STK31: variants seen among roughly 807,000 people sequenced by gnomAD.
The protein encoded by STK31 is serine/threonine-protein kinase 31.
In STK31, 89 loss-of-function variants were observed where a neutral mutation model predicts 129.7. The ratio of observed to expected loss-of-function variants is 0.69; its 90% CI spans 0.58 to 0.82. STK31 has a LOEUF of 0.82. STK31 is among the 40% of genes least tolerant of loss of function. The pLI is 0.00. For missense variants in STK31, 1,187 were observed against 1,176.4 expected (o/e 1.01, Z -0.13); for synonymous variants, 448 against 395.3 (o/e 1.13, Z -1.58).
At chr7:23,788,437 A>G (rs957071399) in intron 21 of STK31, among the ~76,000 whole-genome samples, 19 of 152,180 alleles carry the variant, frequency 1.2e-4, no homozygotes, top group African/African-American at 4.3e-4. Context: ...CTAGGTGGCC[A>G]TCTCCTAAAC....
intron 22 of STK31, among the ~76,000 whole-genome samples, chr7:23,808,779 C>T (rs1327918608): frequency 2.0e-5 from 3 of 152,044 alleles, no homozygotes; most frequent in Non-Finnish European, 4.4e-5. Flanking sequence ...GCTGAAAGTC[C>T]AGCTCCTCAC....
chr7:23,710,564 G>A, intron 1 of STK31: 1 of 1,395,838 alleles, frequency 7.2e-7, no homozygotes, highest in Non-Finnish European at 9.3e-7. Flanking sequence ...TCTCCATGAA[G>A]ACGCGGTCAC....
chr7:23,730,878 A>ATATATATATATATATTTTTTTTTTTTTTT, intron 6 of STK31, among the ~76,000 whole-genome samples: 1 of 59,554 alleles, frequency 1.7e-5, no homozygotes, highest in African/African-American at 5.8e-5. Flanking sequence ...ATATATATAT[A>ATATATATATATATATTTTTTTTTTTTTTT]TTTTTTTTTT....
At chr7:23,821,110 A>C (rs746913321) in intron 23 of STK31, among the ~76,000 whole-genome samples, 27 of 152,188 alleles carry the variant, frequency 1.8e-4, no homozygotes, top group Non-Finnish European at 3.4e-4. Context: ...TGCAATAAAC[A>C]TGGGGATGCA....
chr7:23,831,529 C>G (rs941247609), intron 23 of STK31, among the ~76,000 whole-genome samples: 7 of 152,128 alleles, frequency 4.6e-5, no homozygotes, highest in Non-Finnish European at 2.9e-5. Context: ...TTCAACCAGT[C>G]TATATCTTTT....
At chr7:23,714,709 C>A (rs905663084) in intron 3 of STK31, among the ~76,000 whole-genome samples, 6 of 152,068 alleles carry the variant, frequency 3.9e-5, no homozygotes, top group African/African-American at 1.4e-4. Context: ...ACTAGTGCAG[C>A]TCTAGACTTT....
intron 7 of STK31, 112 bp from the exon 8 acceptor site, chr7:23,736,792 A>T (rs965809375): frequency 9.4e-6 from 8 of 851,554 alleles, no homozygotes; most frequent in Non-Finnish European, 1.3e-5. Flanking sequence ...TTAGTTTTCA[A>T]AATTAACTTT....
At chr7:23,831,337 G>C (rs1794533572) in intron 23 of STK31, among the ~76,000 whole-genome samples, 17 of 152,018 alleles carry the variant, frequency 1.1e-4, no homozygotes, top group Admixed American at 1.1e-3. Flanking sequence ...TTGCTGAATT[G>C]ATCCCTTTAT....
intron 8 of STK31, among the ~76,000 whole-genome samples, chr7:23,738,868 G>T (rs1787882804): frequency 6.6e-6 from 1 of 152,126 alleles, no homozygotes; most frequent in South Asian, 2.1e-4. Context: ...TCTTTATCCA[G>T]TCTATCATTG....
intron 4 of STK31, among the ~76,000 whole-genome samples, chr7:23,724,864 A>G (rs372486593): frequency 2.0e-5 from 3 of 152,210 alleles, no homozygotes; most frequent in East Asian, 3.9e-4. Flanking sequence ...GTCTGAATTT[A>G]TGTGTTCTTT....
intron 8 of STK31, among the ~76,000 whole-genome samples, chr7:23,741,202 C>A (rs1788035960): frequency 2.0e-5 from 3 of 152,090 alleles, no homozygotes. Context: ...ACAAGATGTT[C>A]CATACTCATC....
intron 23 of STK31, among the ~76,000 whole-genome samples, chr7:23,816,540 A>G (rs1381562618): frequency 2.0e-5 from 3 of 152,190 alleles, no homozygotes; most frequent in African/African-American, 7.2e-5. Flanking sequence ...TTGGAGATGA[A>G]TATGCCTCTA....
chr7:23,719,426 C>A (rs756775062), intron 4 of STK31, among the ~76,000 whole-genome samples: 3 of 149,904 alleles, frequency 2.0e-5, no homozygotes, highest in Non-Finnish European at 4.5e-5. Context: ...AAGCTCTAAC[C>A]AAAAAAAAAG....
chr7:23,735,967 G>C (rs940452136), intron 7 of STK31, 71 bp downstream of exon 7: 28 of 1,309,836 alleles, frequency 2.1e-5, no homozygotes, highest in Non-Finnish European at 2.9e-5. Flanking sequence ...AGAAGTTAAG[G>C]CTTATGCTTT....
chr7:23,804,321 A>G (rs1220455511), intron 22 of STK31, among the ~76,000 whole-genome samples: 2 of 151,858 alleles, frequency 1.3e-5, no homozygotes, highest in East Asian at 3.9e-4. Context: ...ATTTATCTTT[A>G]TTATTGTCTG....
At chr7:23,806,639 G>T (rs573902397) in intron 22 of STK31, among the ~76,000 whole-genome samples, 3 of 152,258 alleles carry the variant, frequency 2.0e-5, no homozygotes, top group South Asian at 2.1e-4. Context: ...GGTGGCTCAC[G>T]CCAGTAATCC....
chr7:23,717,722 TTTA>T (rs1786436798), intron 4 of STK31, 143 bp downstream of exon 4: 2 of 628,774 alleles, frequency 3.2e-6, no homozygotes, highest in Non-Finnish European at 5.6e-6. Context: ...TTATGGTATA[TTTA>T]TTAATTCAAA....
intron 8 of STK31, among the ~76,000 whole-genome samples, chr7:23,738,511 C>G (rs971296406): frequency 7.9e-5 from 12 of 152,180 alleles, no homozygotes; most frequent in African/African-American, 2.9e-4. Context: ...CTTCAGTCTC[C>G]TGCCTAGCTC....
chr7:23,824,307 C>A (rs1389345018), intron 23 of STK31, among the ~76,000 whole-genome samples: 2 of 152,146 alleles, frequency 1.3e-5, no homozygotes, highest in Admixed American at 6.5e-5. Context: ...TTGGAGAGGT[C>A]CTTCACATCC....
Sources: allele counts gnomAD v4.1 joint callset (sites outside exome capture counted in the v4.1 genomes callset), GRCh38; gene constraint gnomAD v4.1.1; transcripts MANE v1.5; gene names NCBI Gene and HGNC (gene_info 2026-07-23, HGNC 2026-07-21).